KCND2: variants seen among roughly 807,000 people sequenced by gnomAD.
KCND2 encodes potassium voltage-gated channel subfamily D member 2, also known as A-type voltage-gated potassium channel KCND2.
A neutral mutation model predicts 54.4 loss-of-function variants in KCND2; 16 were observed. That is an observed-to-expected ratio of 0.29 (90% CI 0.20 to 0.45). The LOEUF (loss-of-function observed/expected upper bound fraction) is 0.45, where lower values mean the gene tolerates loss of function less well. Among genes scored for constraint, KCND2 ranks in the 20% least tolerant of loss-of-function variants. KCND2 has a pLI of 1.00. For missense variants in KCND2, 486 were observed against 824.2 expected, an observed-to-expected ratio of 0.59 and a Z score of 5.02; for synonymous variants, 317 against 310.7, an observed-to-expected ratio of 1.02 and a Z score of -0.21.
chr7:120,725,716 T>C (rs536751475), intron 1 of KCND2, among the ~76,000 whole-genome samples: 5 of 152,208 alleles, frequency 3.3e-5, no homozygotes, highest in African/African-American at 4.8e-5. Flanking sequence ...GTTCAGACTC[T>C]TTATGTTGAC....
intron 1 of KCND2, among the ~76,000 whole-genome samples, chr7:120,404,206 C>T (rs1801314852): frequency 6.6e-6 from 1 of 152,118 alleles, no homozygotes; most frequent in Admixed American, 6.6e-5. Context: ...GAATGAGTCA[C>T]TCCTGAATTT....
At chr7:120,588,955 A>G (rs1304978225) in intron 1 of KCND2, among the ~76,000 whole-genome samples, 1 of 152,238 alleles carries the variant, frequency 6.6e-6, no homozygotes, top group African/African-American at 2.4e-5. Context: ...GAATAAACCA[A>G]AATTACTCCT....
chr7:120,385,015 T>TTTC (rs1362966179), intron 1 of KCND2, among the ~76,000 whole-genome samples: 1 of 141,998 alleles, frequency 7.0e-6, no homozygotes, highest in East Asian at 2.1e-4. Flanking sequence ...TTTTTTTTTT[T>TTTC]TTTTTTTCTG....
chr7:120,479,398 CAT>C (rs1227132524), intron 1 of KCND2, among the ~76,000 whole-genome samples: 4 of 151,838 alleles, frequency 2.6e-5, no homozygotes, highest in East Asian at 3.9e-4. Context: ...TACCAGTATA[CAT>C]GTTTGATTAA....
At chr7:120,411,021 G>T (rs1028885222) in intron 1 of KCND2, among the ~76,000 whole-genome samples, 12 of 151,904 alleles carry the variant, frequency 7.9e-5, no homozygotes, top group African/African-American at 2.2e-4. Flanking sequence ...AGACATGATT[G>T]TATATTCAGA....
chr7:120,339,462 T>C (rs565437972), intron 1 of KCND2, among the ~76,000 whole-genome samples: 116 of 152,214 alleles, frequency 7.6e-4, no homozygotes, highest in African/African-American at 2.7e-3. Flanking sequence ...GGCTGTCATA[T>C]TTCAATTAGT....
intron 1 of KCND2, among the ~76,000 whole-genome samples, chr7:120,582,215 C>T (rs1158411245): frequency 1.3e-5 from 2 of 152,186 alleles, no homozygotes; most frequent in African/African-American, 2.4e-5. Flanking sequence ...ACTTCCTCCT[C>T]GCTGTCCCTA....
intron 1 of KCND2, among the ~76,000 whole-genome samples, chr7:120,519,497 C>G (rs1712977607): frequency 6.6e-6 from 1 of 152,168 alleles, no homozygotes; most frequent in Non-Finnish European, 1.5e-5. Flanking sequence ...AGATTCTTCT[C>G]TAGCATCACA....
At chr7:120,295,088 A>C (rs1192941423) in intron 1 of KCND2, among the ~76,000 whole-genome samples, 1 of 151,868 alleles carries the variant, frequency 6.6e-6, no homozygotes, top group African/African-American at 2.4e-5. Context: ...CTTGTAGATA[A>C]TGATTTTCAA....
At chr7:120,445,452 T>C (rs1802006588) in intron 1 of KCND2, among the ~76,000 whole-genome samples, 1 of 152,142 alleles carries the variant, frequency 6.6e-6, no homozygotes, top group Non-Finnish European at 1.5e-5. Context: ...ACAGATTGGG[T>C]CTACCAGTTA....
chr7:120,351,408 A>ACT (rs1205455713), intron 1 of KCND2, among the ~76,000 whole-genome samples: 287 of 90,252 alleles, frequency 3.2e-3, no homozygotes, highest in Admixed American at 6.7e-3. Flanking sequence ...ACACACACAC[A>ACT]CACACTCTCT....
At chr7:120,415,600 T>G (rs1233962933) in intron 1 of KCND2, among the ~76,000 whole-genome samples, 2 of 152,176 alleles carry the variant, frequency 1.3e-5, no homozygotes, top group Admixed American at 1.3e-4. Context: ...TCTACTTTTC[T>G]GTTGAATGTT....
chr7:120,642,945 G>T (rs558821864), intron 1 of KCND2, among the ~76,000 whole-genome samples: 6 of 152,258 alleles, frequency 3.9e-5, no homozygotes, highest in South Asian at 2.1e-4. Context: ...CTGCAATAAA[G>T]ATTTCAACTC....
intron 1 of KCND2, among the ~76,000 whole-genome samples, chr7:120,300,894 T>C (rs904671950): frequency 6.6e-6 from 1 of 152,094 alleles, no homozygotes; most frequent in South Asian, 2.1e-4. Context: ...GGTCAAGAAA[T>C]TATTATTTAG....
chr7:120,705,548 T>G (rs1332122953), intron 1 of KCND2, among the ~76,000 whole-genome samples: 1 of 152,118 alleles, frequency 6.6e-6, no homozygotes, highest in Admixed American at 6.6e-5. Flanking sequence ...CTGCTGAGAA[T>G]GTTATGAAGA....
In KCND2 at chr7:120,572,066, G is replaced by A. The variant is rs534918412; in HGVS notation, c.1116-160837G>A. On this transcript the variant is annotated intron_variant, in intron 1 of 5. Coordinates refer to ENST00000331113, the MANE Select transcript of KCND2 (RefSeq NM_012281.3). ...GTGTATCTGATTTGCTTTCATGTGC[G>A]TAGCAGCTGGTTAAATGAAAAGAAC... 4.6e-5 allele frequency among the ~76,000 whole-genome samples: 7 copies of A among 152,170 alleles called. No homozygotes were observed. In the South Asian group the frequency reaches 1.5e-3, roughly 32 times the overall value.
chr7:120,622,485 T>TTATA lies in KCND2; in HGVS notation c.1116-110407_1116-110404dup, dbSNP rs370315618. ...TTAATTAATTAACCATGCGAAATTG[T>TTATA]TATATATATATATACAGTCTCATAA... On this transcript the variant is annotated intron_variant, in intron 1 of 5. Transcript: ENST00000331113. Among the ~76,000 whole-genome samples the TTATA allele has an allele frequency of 4.3e-3, 643 of 151,096 alleles. 4 individuals carry two copies. The highest frequency in any genetic ancestry group is 0.014 in the African/African-American group (591 of 41,132).
At chr7:120,437,213 T>C (rs1801880127) in intron 1 of KCND2, among the ~76,000 whole-genome samples, 1 of 150,552 alleles carries the variant, frequency 6.6e-6, no homozygotes, top group African/African-American at 2.5e-5. Flanking sequence ...ACTTTTTTTT[T>C]TTTTTTTCAG....
intron 1 of KCND2, among the ~76,000 whole-genome samples, chr7:120,707,899 T>C (rs1429801689): frequency 6.6e-6 from 1 of 152,150 alleles, no homozygotes; most frequent in Non-Finnish European, 1.5e-5. Flanking sequence ...CTCCATTTGC[T>C]AGCCTTTCCT....
Sources: allele counts gnomAD v4.1 joint callset (sites outside exome capture counted in the v4.1 genomes callset), GRCh38; gene constraint gnomAD v4.1.1; transcripts MANE v1.5; gene names NCBI Gene and HGNC (gene_info 2026-07-23, HGNC 2026-07-21).